The following SGK3 variants were observed in gnomAD, a reference collection of about 807,000 sequenced individuals.
SGK3 encodes the protein serum/glucocorticoid regulated kinase family member 3, also known as serine/threonine-protein kinase Sgk3.
A neutral mutation model predicts 68.5 loss-of-function variants in SGK3; 47 were observed. The observed-to-expected ratio is 0.69, with a 90% confidence interval of 0.54 to 0.87. The LOEUF (loss-of-function observed/expected upper bound fraction) is 0.87, where lower values mean the gene tolerates loss of function less well. SGK3 is among the 40% of genes least tolerant of loss of function. The pLI, the probability that SGK3 is intolerant of heterozygous loss-of-function variation, is 0.00. For synonymous variants in SGK3, 181 were observed against 189.1 expected (o/e 0.96, Z 0.35); for missense variants, 479 against 575.5 (o/e 0.83, Z 1.72).
intron 1 of SGK3, among the ~76,000 whole-genome samples, chr8:66,757,129 ATTT>A (rs796848968): frequency 1.3e-4 from 14 of 107,018 alleles, no homozygotes; most frequent in Admixed American, 3.0e-4. Flanking sequence ...CTCAGGCCCT[ATTT>A]TTTTTTTTTT....
intron 1 of SGK3, among the ~76,000 whole-genome samples, chr8:66,719,245 A>G (rs1804730887): frequency 6.6e-6 from 1 of 151,966 alleles, no homozygotes; most frequent in South Asian, 2.1e-4. Context: ...GTGTATCTAT[A>G]TATGTACACA....
At chr8:66,765,631 G>A (rs1249723108) in intron 1 of SGK3, among the ~76,000 whole-genome samples, 2 of 152,032 alleles carry the variant, frequency 1.3e-5, no homozygotes, top group African/African-American at 4.8e-5. Context: ...CGTTCGATAT[G>A]TTATTTTCAT....
chr8:66,790,234 G>A (rs748262537), intron 1 of SGK3, among the ~76,000 whole-genome samples: 9 of 152,198 alleles, frequency 5.9e-5, no homozygotes, highest in Non-Finnish European at 1.3e-4. Context: ...TTCTCCCAGA[G>A]TAGACTTGGA....
chr8:66,721,857 C>T (rs1484165802), intron 1 of SGK3, among the ~76,000 whole-genome samples: 1 of 152,026 alleles, frequency 6.6e-6, no homozygotes, highest in Non-Finnish European at 1.5e-5. Context: ...TTCTATCAGG[C>T]TTTAAAATAA....
At chr8:66,721,979 A>G (rs1804806982) in intron 1 of SGK3, among the ~76,000 whole-genome samples, 1 of 152,196 alleles carries the variant, frequency 6.6e-6, no homozygotes, top group South Asian at 2.1e-4. Flanking sequence ...CCAGATTTGT[A>G]TCAGTAGAGA....
intron 1 of SGK3, among the ~76,000 whole-genome samples, chr8:66,741,963 G>T (rs994068706): frequency 6.6e-6 from 1 of 152,208 alleles, no homozygotes; most frequent in African/African-American, 2.4e-5. Context: ...CTTAGCAAGG[G>T]CATCTGATCT....
intron 10 of SGK3, among the ~76,000 whole-genome samples, chr8:66,839,023 T>C (rs534405738): frequency 6.6e-6 from 1 of 152,126 alleles, no homozygotes; most frequent in South Asian, 2.1e-4. Context: ...ATAGGAGATA[T>C]CAACATTGAG....
chr8:66,766,861 T>C (rs1339018077), intron 1 of SGK3, among the ~76,000 whole-genome samples: 1 of 152,118 alleles, frequency 6.6e-6, no homozygotes, highest in Non-Finnish European at 1.5e-5. Context: ...TCTAGCTTTC[T>C]TTTTTTTGAG....
At chr8:66,768,371 C>A (rs1227121031) in intron 1 of SGK3, among the ~76,000 whole-genome samples, 1 of 149,342 alleles carries the variant, frequency 6.7e-6, no homozygotes, top group South Asian at 2.1e-4. Context: ...TGAAGGGCTT[C>A]CTTGAATGTT....
At chr8:66,752,007 C>T (rs552284888) in intron 1 of SGK3, among the ~76,000 whole-genome samples, 1 of 152,192 alleles carries the variant, frequency 6.6e-6, no homozygotes, top group South Asian at 2.1e-4. Context: ...TCAGGTGATT[C>T]GCCCACCTCG....
At chr8:66,722,700 T>TA (rs1334175342) in intron 1 of SGK3, among the ~76,000 whole-genome samples, 1 of 152,182 alleles carries the variant, frequency 6.6e-6, no homozygotes, top group African/African-American at 2.4e-5. Flanking sequence ...TGCATTGCTA[T>TA]AAAAAAATAC....
chr8:66,748,993 C>G (rs1333935173), intron 1 of SGK3, among the ~76,000 whole-genome samples: 2 of 152,092 alleles, frequency 1.3e-5, no homozygotes, highest in Middle Eastern at 3.2e-3. Context: ...CTCCCAGGCT[C>G]AAGCGATCCT....
At chr8:66,840,276 G>C (rs1317723105) in intron 12 of SGK3, 29 bp downstream of exon 12, 1 of 1,542,500 alleles carries the variant, frequency 6.5e-7, no homozygotes, top group African/African-American at 1.4e-5. Flanking sequence ...AAATCTACTA[G>C]TTCTCAATTT....
intron 2 of SGK3, among the ~76,000 whole-genome samples, chr8:66,795,201 G>C (rs1807628344): frequency 6.6e-6 from 1 of 152,152 alleles, no homozygotes; most frequent in African/African-American, 2.4e-5. Flanking sequence ...GGAAAATGAT[G>C]GTTTTCTCTC....
intron 1 of SGK3, among the ~76,000 whole-genome samples, chr8:66,756,713 G>C (rs924070246): frequency 6.6e-6 from 1 of 151,060 alleles, no homozygotes; most frequent in South Asian, 2.1e-4. Flanking sequence ...CCAAGTAGCT[G>C]GGACTATAGG....
chr8:66,747,167 G>A (rs1805677880), intron 1 of SGK3, among the ~76,000 whole-genome samples: 8 of 152,090 alleles, frequency 5.3e-5, no homozygotes, highest in Admixed American at 5.2e-4. Context: ...GACATCAGGA[G>A]AAGATTCATA....
chr8:66,751,754 A>G, intron 1 of SGK3, among the ~76,000 whole-genome samples: 1 of 151,114 alleles, frequency 6.6e-6, no homozygotes, highest in East Asian at 1.9e-4. Context: ...TTATTTATTT[A>G]TTTATTTATT....
At chr8:66,723,132 T>TATATATATATA (rs71247502) in intron 1 of SGK3, among the ~76,000 whole-genome samples, 3 of 25,882 alleles carry the variant, frequency 1.2e-4, no homozygotes, top group Non-Finnish European at 2.1e-4. Context: ...TATATATATA[T>TATATATATATA]TTTTTTTTTT....
At chr8:66,733,134 G>A (rs999684169) in intron 1 of SGK3, among the ~76,000 whole-genome samples, 2 of 152,098 alleles carry the variant, frequency 1.3e-5, no homozygotes, top group African/African-American at 4.8e-5. Flanking sequence ...GTATAGATTG[G>A]ATAACAAACA....
Sources: gnomAD v4.1 joint callset for allele counts (sites outside exome capture counted in the v4.1 genomes callset) on GRCh38, gnomAD v4.1.1 for gene constraint, MANE v1.5 for transcripts, NCBI Gene and HGNC (gene_info 2026-07-23, HGNC 2026-07-21) for gene names.